The following TMPRSS15 variants were observed in gnomAD, a reference collection of about 807,000 sequenced individuals.
The protein encoded by TMPRSS15 is transmembrane serine protease 15.
Under a neutral mutation model 125.3 loss-of-function variants are expected in TMPRSS15, and 128 were observed. The observed-to-expected ratio is 1.02, with a 90% CI of 0.89 to 1.18. The LOEUF is 1.18. Ranked by LOEUF, TMPRSS15 falls within the 50% of genes most tolerant of loss-of-function variation. The pLI is 0.00. For synonymous variants in TMPRSS15, 446 were observed against 423.2 expected, an observed-to-expected ratio of 1.05 and a Z score of -0.66; for missense variants, 1,283 against 1,212.7, an observed-to-expected ratio of 1.06 and a Z score of -0.86.
chr21:18,394,519 C>T (rs1261653727), intron 3 of TMPRSS15, among the ~76,000 whole-genome samples: 2 of 149,842 alleles, frequency 1.3e-5, no homozygotes, highest in African/African-American at 2.4e-5. Context: ...ATGGCATTCT[C>T]TCTCTCTCTC....
chr21:18,430,504 A>G (rs1461443828), intron 1 of TMPRSS15, among the ~76,000 whole-genome samples: 1 of 152,176 alleles, frequency 6.6e-6, no homozygotes, highest in Non-Finnish European at 1.5e-5. Context: ...TTGCTCAACC[A>G]AAACTGGGCA....
chr21:18,311,932 T>TA (rs1449766469), intron 18 of TMPRSS15, among the ~76,000 whole-genome samples: 1 of 152,188 alleles, frequency 6.6e-6, no homozygotes, highest in East Asian at 1.9e-4. Context: ...AGTGTATATA[T>TA]AATGTATTGC....
chr21:18,331,072 C>CAAAA lies in TMPRSS15; in HGVS notation c.1654+1008_1654+1011dup, dbSNP rs34006357. ...TGGGCGACAGAGCGAGACTCCATCT[C>CAAAA]AAAAAAAAAAAAAAAAAAAGATGTC... On this transcript the variant is annotated intron_variant, in intron 14 of 24. Transcript: ENST00000284885. Among the ~76,000 whole-genome samples the CAAAA allele has an allele frequency of 6.4e-4, 57 of 89,626 alleles. 1 individual carries two copies. The highest frequency in any genetic ancestry group is 1.3e-3 in the South Asian group (3 of 2,230). The allele number at this position is 89,626 out of a possible 152,430, so 58.8% of individuals were successfully genotyped here. A position where few individuals can be genotyped will look rare whatever the true frequency, so the allele number is the denominator to read the frequency against.
At chr21:18,340,338 T>C (rs2075434291) in intron 13 of TMPRSS15, among the ~76,000 whole-genome samples, 1 of 152,058 alleles carries the variant, frequency 6.6e-6, no homozygotes, top group Non-Finnish European at 1.5e-5. Flanking sequence ...GTTCTTCAGC[T>C]TTCAGACTCT....
At chr21:18,424,143 C>T (rs1464546129) in intron 1 of TMPRSS15, among the ~76,000 whole-genome samples, 1 of 152,098 alleles carries the variant, frequency 6.6e-6, no homozygotes, top group Non-Finnish European at 1.5e-5. Context: ...TTTTTTTTAT[C>T]AGTAGATTCA....
chr21:18,309,988 T>C (rs1052420272), intron 18 of TMPRSS15, among the ~76,000 whole-genome samples: 1 of 151,170 alleles, frequency 6.6e-6, no homozygotes, highest in African/African-American at 2.4e-5. Flanking sequence ...TGCACAGCTT[T>C]TGAGAATATA....
chr21:18,410,165 G>C (rs1358828283), intron 1 of TMPRSS15, among the ~76,000 whole-genome samples: 7 of 149,804 alleles, frequency 4.7e-5, no homozygotes, highest in Non-Finnish European at 8.9e-5. Context: ...TTTTGAGGCA[G>C]GAGTATAAAT....
intron 6 of TMPRSS15, among the ~76,000 whole-genome samples, chr21:18,365,632 T>TCTC (rs1569035587): frequency 1.2e-5 from 1 of 84,442 alleles, no homozygotes; most frequent in Non-Finnish European, 2.3e-5. Flanking sequence ...TTCTTTCTCT[T>TCTC]TCTCTCTCTT....
rs547384603 is a variant in TMPRSS15, at chr21:18,456,333, A to T, written c.10+29466T>A. Reference sequence around the variant, plus strand: ...GTTTCACTGAACAACTACATAGGCAAATTTATTTTTATCTAAGAAGTGAAA... The same window carrying T: ...GTTTCACTGAACAACTACATAGGCATATTTATTTTTATCTAAGAAGTGAAA... On this transcript the variant is annotated intron_variant, in intron 1 of 7. Coordinates refer to the TMPRSS15 transcript ENST00000422787. Among the ~76,000 whole-genome samples, 3 of 152,206 alleles carry T rather than the reference A, an allele frequency of 2.0e-5. No homozygotes were observed. The South Asian group carries it at 6.2e-4, about 32-fold the overall frequency.
intron 18 of TMPRSS15, among the ~76,000 whole-genome samples, chr21:18,299,848 C>G (rs1441332907): frequency 6.6e-6 from 1 of 152,190 alleles, no homozygotes; most frequent in Non-Finnish European, 1.5e-5. Context: ...TAGGCCTGCT[C>G]TAGGGTAGGG....
intron 1 of TMPRSS15, among the ~76,000 whole-genome samples, chr21:18,419,319 G>A (rs932957942): frequency 4.8e-5 from 7 of 146,036 alleles, no homozygotes; most frequent in African/African-American, 1.5e-4. Context: ...TCGGCCTCCC[G>A]GGTTCACGCC....
At chr21:18,275,125 T>C in intron 24 of TMPRSS15, 72 bp downstream of exon 24, 2 of 1,560,070 alleles carry the variant, frequency 1.3e-6, no homozygotes, top group Non-Finnish European at 1.8e-6. Context: ...TCCCTAATTA[T>C]TGTTAAGCAA....
Position 18,332,159 on chromosome 21 carries a change from G to A in TMPRSS15, c.1579C>T (p.Pro527Ser), listed in dbSNP as rs367925854. 1 of 1,613,898 alleles carries A rather than the reference G, an allele frequency of 6.2e-7. No individual in the cohort carries two copies. Among genetic ancestry groups the A allele is most frequent in the Non-Finnish European group, 8.5e-7 (1 of 1,179,890 alleles). The part of the protein sequence containing the change: ...PPELPTDCGG[P>S]FELWEPNTTF... ...GTATTTGGCTCCCACAGCTCAAAAG[G>A]TCCTCCACAGTCCGCTGAAAAGGAA... Residue 527 changes from proline to serine, a missense_variant, in exon 14 of 25, where the codon CCT (proline) becomes TCT (serine). Pro to Ser is a moderately conservative substitution (Grantham distance 74). Coordinates refer to ENST00000284885, the MANE Select transcript of TMPRSS15 (RefSeq NM_002772.3).
intron 13 of TMPRSS15, among the ~76,000 whole-genome samples, chr21:18,340,903 G>A (rs1321243071): frequency 2.0e-5 from 3 of 152,100 alleles, no homozygotes; most frequent in Non-Finnish European, 4.4e-5. Flanking sequence ...CAATAACGAA[G>A]AGTGGTTTTC....
At chr21:18,447,464 A>G (rs1178217557) in intron 1 of TMPRSS15, among the ~76,000 whole-genome samples, 6 of 147,896 alleles carry the variant, frequency 4.1e-5, no homozygotes, top group Non-Finnish European at 7.5e-5. Context: ...AAAAAGACAT[A>G]CAAATGACAA....
chr21:18,345,740 C>CAAAA lies in TMPRSS15; in HGVS notation c.1172-1684_1172-1681dup, dbSNP rs1235619873. Reference sequence around the variant, plus strand: ...TAGGCGACAGAGTGAGACTCCGTCTCAAAAAAAAAAAAAAAAAAAAAATCC... The same window carrying CAAAA: ...TAGGCGACAGAGTGAGACTCCGTCTCAAAAAAAAAAAAAAAAAAAAAAAAAATCC... On this transcript the variant is annotated intron_variant, in intron 10 of 24. Coordinates refer to ENST00000284885, the MANE Select transcript of TMPRSS15 (RefSeq NM_002772.3). 1.6e-3 allele frequency among the ~76,000 whole-genome samples: 25 copies of CAAAA among 15,556 alleles called. 7 individuals carry two copies. The highest frequency in any genetic ancestry group is 8.1e-3 in the South Asian group (1 of 124). The allele number at this position is 15,556 out of a possible 152,430, so 10.2% of individuals were successfully genotyped here.
chr21:18,346,107 T>G (rs1228393687), intron 10 of TMPRSS15, among the ~76,000 whole-genome samples: 1 of 152,070 alleles, frequency 6.6e-6, no homozygotes, highest in Non-Finnish European at 1.5e-5. Context: ...ATATATAACA[T>G]TAAATTGCTA....
rs1040157602 is a variant in TMPRSS15 at position 18,417,866 on chromosome 21, TACAC to T, written c.11-19541_11-19538del. Among the ~76,000 whole-genome samples, 5 of 152,086 alleles carry T rather than the reference TACAC, an allele frequency of 3.3e-5. No homozygotes were observed. The East Asian group carries it at 7.7e-4, about 23-fold the overall frequency. On this transcript the variant is annotated intron_variant, in intron 1 of 7. Transcript: ENST00000422787. The stretch of plus-strand genomic sequence containing the variant: ...ACACGTATACACACAATCACACACA[TACAC>T]ACATACACATTCATGCACAAACATA...
At chr21:18,298,270 T>C (rs2074929235) in intron 18 of TMPRSS15, among the ~76,000 whole-genome samples, 1 of 152,198 alleles carries the variant, frequency 6.6e-6, no homozygotes. Flanking sequence ...TTTTGGCTCA[T>C]CTTTTTAAAA....
Sources: allele counts gnomAD v4.1 joint callset (sites outside exome capture counted in the v4.1 genomes callset), GRCh38; gene constraint gnomAD v4.1.1; transcripts MANE v1.5; gene names NCBI Gene and HGNC (gene_info 2026-07-23, HGNC 2026-07-21).